The following SMIM31 variants were observed in gnomAD, a reference collection of about 807,000 sequenced individuals.
The protein encoded by SMIM31 is human epithelial cell program regulator.
intron 2 of SMIM31, among the ~76,000 whole-genome samples, chr4:164,792,435 AT>A (rs913090406): frequency 1.3e-4 from 20 of 152,122 alleles, no homozygotes; most frequent in African/African-American, 3.9e-4. Flanking sequence ...ATTAGCAATA[AT>A]TTTTTTTCAC....
intron 2 of SMIM31, among the ~76,000 whole-genome samples, chr4:164,794,320 A>G (rs1733158470): frequency 6.6e-6 from 1 of 152,118 alleles, no homozygotes; most frequent in South Asian, 2.1e-4. Context: ...TTGAGCCTTC[A>G]GTGAGCCATG....
chr4:164,770,547 G>A lies in SMIM31; in HGVS notation c.104G>A (p.Ser35Asn), dbSNP rs1732787219. 1 of 398,966 alleles carries A rather than the reference G, an allele frequency of 2.5e-6. No individual in the cohort carries two copies. Among genetic ancestry groups the A allele is most frequent in the Non-Finnish European group, 4.4e-6 (1 of 226,016 alleles). 24.7% of individuals were successfully genotyped at this position (398,966 alleles called of 1,614,324 possible). A position where few individuals can be genotyped will look rare whatever the true frequency, so the allele number is the denominator to read the frequency against. Residue 35 changes from serine to asparagine, a missense_variant, in exon 2 of 3, where the codon AGT becomes AAT. Physicochemically the swap from Ser to Asn is conservative, Grantham distance 46 (BLOSUM62 1). Coordinates refer to ENST00000507311, the MANE Select transcript of SMIM31 (RefSeq NM_001352885.1). ...LASIYTTPDD[S>N]NEEEEHEKKG... is the part of the protein sequence containing the mutation. ...TCCATCTACACTACTCCGGATGACAGTAATGAAGGTAAAAGAAGACAAAAA... is the reference window on the plus strand; with the variant it reads ...TCCATCTACACTACTCCGGATGACAATAATGAAGGTAAAAGAAGACAAAAA...
chr4:164,800,582 C>T (rs1311004008), intron 2 of SMIM31, among the ~76,000 whole-genome samples: 2 of 152,090 alleles, frequency 1.3e-5, no homozygotes, highest in African/African-American at 4.8e-5. Context: ...CACAGTAGGT[C>T]CAGGGACCCC....
intron 1 of SMIM31, among the ~76,000 whole-genome samples, chr4:164,756,580 A>C (rs1052023304): frequency 9.4e-6 from 1 of 106,240 alleles, no homozygotes; most frequent in Non-Finnish European, 1.8e-5. Context: ...TCAAAAAAAA[A>C]ATAATAATAA....
intron 2 of SMIM31, among the ~76,000 whole-genome samples, chr4:164,789,193 C>T (rs1389766289): frequency 6.6e-6 from 1 of 152,074 alleles, no homozygotes; most frequent in Non-Finnish European, 1.5e-5. Context: ...TGAATGTTTG[C>T]GGATTCCATA....
At position 164,788,398 on chromosome 4, in the gene SMIM31, G is replaced by A. The variant is rs545924984; in HGVS notation, c.113-12693G>A. On this transcript the variant is annotated intron_variant, in intron 2 of 2. Coordinates refer to ENST00000507311, the MANE Select transcript of SMIM31 (RefSeq NM_001352885.1). Reference sequence around the variant, plus strand: ...TCACCAAACTTAATGCCCTGGGGTAGTACTGATGGAAAAATATTTCAAATA... The same window carrying A: ...TCACCAAACTTAATGCCCTGGGGTAATACTGATGGAAAAATATTTCAAATA... Among the ~76,000 whole-genome samples the A allele has an allele frequency of 1.7e-4, 24 of 145,122 alleles. No homozygotes were observed. The South Asian group carries it at 4.9e-3, about 30-fold the overall frequency.
chr4:164,782,039 C>T (rs1732956816), intron 2 of SMIM31, among the ~76,000 whole-genome samples: 1 of 152,040 alleles, frequency 6.6e-6, no homozygotes, highest in African/African-American at 2.4e-5. Flanking sequence ...TCCTGTAATC[C>T]CAGCACTTTG....
intron 2 of SMIM31, among the ~76,000 whole-genome samples, chr4:164,781,159 C>CACACACACACAA (rs1401463020): frequency 6.7e-6 from 1 of 150,186 alleles, no homozygotes; most frequent in African/African-American, 2.5e-5. Flanking sequence ...CACACACACA[C>CACACACACACAA]AATACCAAGT....
At chr4:164,791,112 T>C (rs1199461893) in intron 2 of SMIM31, among the ~76,000 whole-genome samples, 1 of 152,184 alleles carries the variant, frequency 6.6e-6, no homozygotes, top group African/African-American at 2.4e-5. Context: ...ATCACAGATA[T>C]AACTTCTATC....
Position 164,772,573 on chromosome 4 carries a change from T to A in SMIM31, c.112+2018T>A, listed in dbSNP as rs187807820. Among the ~76,000 whole-genome samples, 31 of 88,286 alleles carry A rather than the reference T, an allele frequency of 3.5e-4. No homozygotes were observed. In the Admixed American group the frequency reaches 3.6e-3, roughly 10 times the overall value. 57.9% of individuals were successfully genotyped at this position (88,286 alleles called of 152,430 possible). On this transcript the variant is annotated intron_variant, in intron 2 of 2. Coordinates refer to ENST00000507311, the MANE Select transcript of SMIM31 (RefSeq NM_001352885.1). ...AAGGACACTGAAGTTTTATTTTTTT[T>A]ATTTTTATTTTATTTTTTTTTTTGA... is the stretch of plus-strand genomic sequence containing the variant.
intron 1 of SMIM31, among the ~76,000 whole-genome samples, chr4:164,756,228 C>T (rs2110913272): frequency 6.6e-6 from 1 of 152,246 alleles, no homozygotes; most frequent in South Asian, 2.1e-4. Context: ...CATCTCTGCA[C>T]ATGTATCCCA....
At chr4:164,774,856 A>C (rs963803688) in intron 2 of SMIM31, among the ~76,000 whole-genome samples, 1 of 152,230 alleles carries the variant, frequency 6.6e-6, no homozygotes, top group Non-Finnish European at 1.5e-5. Context: ...AATTCACTTT[A>C]GTTGATCCAT....
chr4:164,800,429 A>T (rs767421121), intron 2 of SMIM31, among the ~76,000 whole-genome samples: 1 of 152,068 alleles, frequency 6.6e-6, no homozygotes, highest in Non-Finnish European at 1.5e-5. Context: ...GCTGGTTTTG[A>T]ACTCCTGGGT....
intron 2 of SMIM31, among the ~76,000 whole-genome samples, chr4:164,783,826 ATAAT>A (rs1209932131): frequency 1.3e-5 from 2 of 151,632 alleles, no homozygotes. Flanking sequence ...CTAAAATAAA[ATAAT>A]TAATTTTTTG....
At chr4:164,766,310 A>G (rs1732719739) in intron 1 of SMIM31, among the ~76,000 whole-genome samples, 1 of 152,130 alleles carries the variant, frequency 6.6e-6, no homozygotes, top group East Asian at 1.9e-4. Flanking sequence ...TTCCATTCAC[A>G]GCTGTGAAAT....
chr4:164,769,317 A>G (rs1732761817), intron 1 of SMIM31, among the ~76,000 whole-genome samples: 1 of 152,158 alleles, frequency 6.6e-6, no homozygotes, highest in Non-Finnish European at 1.5e-5. Context: ...TATCATTTGA[A>G]AAAAGACTAA....
intron 2 of SMIM31, among the ~76,000 whole-genome samples, chr4:164,795,168 A>C (rs1733172983): frequency 6.6e-6 from 1 of 152,232 alleles, no homozygotes; most frequent in Non-Finnish European, 1.5e-5. Context: ...AAAGTTCTGC[A>C]TTCAAATCTC....
intron 2 of SMIM31, among the ~76,000 whole-genome samples, chr4:164,777,972 C>A (rs1732898619): frequency 6.6e-6 from 1 of 152,206 alleles, no homozygotes; most frequent in Admixed American, 6.5e-5. Flanking sequence ...AGAAAGATAT[C>A]GGTTCATAAA....
intron 2 of SMIM31, among the ~76,000 whole-genome samples, chr4:164,797,437 T>G (rs1397817939): frequency 6.6e-6 from 1 of 150,996 alleles, no homozygotes; most frequent in African/African-American, 2.4e-5. Flanking sequence ...TATGTATGTA[T>G]TTAGAGAGTA....
Sources: allele counts gnomAD v4.1 joint callset (sites outside exome capture counted in the v4.1 genomes callset), GRCh38; gene constraint gnomAD v4.1.1; transcripts MANE v1.5; gene names NCBI Gene and HGNC (gene_info 2026-07-23, HGNC 2026-07-21).